The following TET3 variants were observed in gnomAD, a reference collection of about 807,000 sequenced individuals.
TET3 encodes methylcytosine dioxygenase TET3.
TET3 carries 19 observed loss-of-function variants against 141.4 expected under a neutral mutation model. The observed-to-expected ratio is 0.13, with a 90% CI of 0.09 to 0.20. TET3 has a LOEUF of 0.20. Ranked by LOEUF, TET3 falls within the 10% of genes least tolerant of loss-of-function variation. The pLI is 1.00. For missense variants in TET3, 1,874 were observed against 2,356.9 expected, an observed-to-expected ratio of 0.80 and a Z score of 4.24; for synonymous variants, 1,043 against 980.9, an observed-to-expected ratio of 1.06 and a Z score of -1.18.
At chr2:74,041,944 A>C (rs1468412448) in intron 3 of TET3, among the ~76,000 whole-genome samples, 1 of 152,154 alleles carries the variant, frequency 6.6e-6, no homozygotes, top group Non-Finnish European at 1.5e-5. Flanking sequence ...ACCTTTTGGC[A>C]CCTGGTTCTG....
the TET3 span, among the ~76,000 whole-genome samples, chr2:74,116,239 C>T: frequency 6.6e-6 from 1 of 152,086 alleles, no homozygotes; most frequent in Admixed American, 6.5e-5. Flanking sequence ...GAAAAGGGAA[C>T]TCTTATACAA....
chr2:74,075,641 CTCTTG>C (rs1689464762), intron 5 of TET3, among the ~76,000 whole-genome samples: 1 of 152,248 alleles, frequency 6.6e-6, no homozygotes, highest in Non-Finnish European at 1.5e-5. Context: ...GAGCCAGATA[CTCTTG>C]TCTGTGTAGC....
At chr2:74,005,278 T>A (rs1685095182) in intron 3 of TET3, among the ~76,000 whole-genome samples, 1 of 152,226 alleles carries the variant, frequency 6.6e-6, no homozygotes, top group Non-Finnish European at 1.5e-5. Flanking sequence ...GAAGCCTTCC[T>A]AACAAGTCTT....
intron 3 of TET3, among the ~76,000 whole-genome samples, chr2:74,022,948 G>A (rs1686134149): frequency 6.6e-6 from 1 of 151,686 alleles, no homozygotes; most frequent in Admixed American, 6.6e-5. Context: ...GCTAATTTTT[G>A]TATTTTTTGT....
chr2:74,098,658 G>C (rs758103960), intron 10 of TET3, among the ~76,000 whole-genome samples: 17 of 150,218 alleles, frequency 1.1e-4, no homozygotes, highest in Non-Finnish European at 1.8e-4. Flanking sequence ...GTAGTGGCAT[G>C]ATCTTGGCTC....
At chr2:74,007,955 A>C (rs1175207135) in intron 3 of TET3, among the ~76,000 whole-genome samples, 1 of 152,206 alleles carries the variant, frequency 6.6e-6, no homozygotes, top group East Asian at 1.9e-4. Flanking sequence ...AGGCGAGCCA[A>C]GTGATCATGC....
At chr2:74,086,392 AG>A (rs1690161613) in intron 6 of TET3, among the ~76,000 whole-genome samples, 1 of 152,074 alleles carries the variant, frequency 6.6e-6, no homozygotes, top group African/African-American at 2.4e-5. Context: ...AAAAAAAAAA[AG>A]TAGCTTTATT....
At chr2:74,077,785 C>T (rs763173180) in intron 5 of TET3, among the ~76,000 whole-genome samples, 1 of 152,200 alleles carries the variant, frequency 6.6e-6, no homozygotes, top group South Asian at 2.1e-4. Context: ...CACCCTCCTG[C>T]GAGGAATGCG....
In TET3 at chr2:74,102,002, G is replaced by C. The variant is rs1691249064; in HGVS notation, c.5214G>C (p.Lys1738Asn). The change falls in exon 12 of 12, where the codon AAG becomes AAC. Residue 1738 changes from lysine to asparagine, a missense_variant. This residue lies in a region of TET3 where 113 missense variants were observed against 114.3 expected (regional missense o/e 0.99). Transcript: ENST00000409262. Reference sequence around the variant, plus strand: ...TGGGCCTGGGCCAGCAGGAGGCCAAGCTCTACGGGAAGAAGCGCAAGTGGG... The same window carrying C: ...TGGGCCTGGGCCAGCAGGAGGCCAACCTCTACGGGAAGAAGCGCAAGTGGG... ...ARLGLGQQEA[K>N]LYGKKRKWGG... 1 of 1,597,340 alleles carries C rather than the reference G, an allele frequency of 6.3e-7. No individual in the cohort carries two copies. The highest frequency in any genetic ancestry group is 1.3e-5 in the African/African-American group (1 of 74,404).
At chr2:74,072,501 A>G (rs1689266773) in intron 4 of TET3, among the ~76,000 whole-genome samples, 1 of 151,798 alleles carries the variant, frequency 6.6e-6, no homozygotes, top group African/African-American at 2.4e-5. Flanking sequence ...AACAAGAGCA[A>G]AACTCCATCT....
chr2:74,065,792 C>T (rs1688867766), intron 4 of TET3, among the ~76,000 whole-genome samples: 2 of 149,970 alleles, frequency 1.3e-5, no homozygotes. Flanking sequence ...CAGAGCGAGG[C>T]TCTGTCTCAA....
chr2:74,070,299 T>C (rs1689133988), intron 4 of TET3, among the ~76,000 whole-genome samples: 1 of 152,196 alleles, frequency 6.6e-6, no homozygotes, highest in Non-Finnish European at 1.5e-5. Flanking sequence ...ATGTCTTACA[T>C]GGCAGCAGAC....
chr2:74,125,457 A>G, the TET3 span, among the ~76,000 whole-genome samples: 1 of 152,214 alleles, frequency 6.6e-6, no homozygotes, highest in East Asian at 1.9e-4. Flanking sequence ...AGTTTTGACT[A>G]TAATCAAGTT....
intron 3 of TET3, among the ~76,000 whole-genome samples, chr2:74,036,206 A>AT (rs1477854466): frequency 6.6e-6 from 1 of 152,218 alleles, no homozygotes; most frequent in Non-Finnish European, 1.5e-5. Flanking sequence ...GCGCAGAGAG[A>AT]TTAGCTAACT....
chr2:74,122,643 A>T, the TET3 span, among the ~76,000 whole-genome samples: 1 of 133,740 alleles, frequency 7.5e-6, no homozygotes, highest in Admixed American at 7.7e-5. Flanking sequence ...CCTCCCAAGT[A>T]GCTGGGACTA....
intron 10 of TET3, among the ~76,000 whole-genome samples, chr2:74,095,594 C>T (rs901946583): frequency 6.6e-6 from 1 of 152,236 alleles, no homozygotes; most frequent in Admixed American, 6.5e-5. Context: ...TGTATGTATG[C>T]ACGAATGGCT....
At chr2:74,022,094 C>CCTTTTTTTTTTTTTTTTTTT (rs57671706) in intron 3 of TET3, among the ~76,000 whole-genome samples, 1 of 82,766 alleles carries the variant, frequency 1.2e-5, no homozygotes, top group African/African-American at 5.1e-5. Flanking sequence ...TTCTAGGACA[C>CCTTTTTTTTTTTTTTTTTTT]TTTTTTTTTT....
intron 2 of TET3, 101 bp from the exon 3 acceptor site, chr2:74,003,009 C>T (rs1261070725): frequency 2.3e-6 from 3 of 1,281,930 alleles, no homozygotes; most frequent in African/African-American, 3.0e-5. Flanking sequence ...CCCTCCCGTT[C>T]GCCTTCTTCC....
At chr2:74,025,073 A>C (rs1286943272) in intron 3 of TET3, among the ~76,000 whole-genome samples, 1 of 151,324 alleles carries the variant, frequency 6.6e-6, no homozygotes, top group African/African-American at 2.4e-5. Context: ...AATACAAAAA[A>C]GTTAGCCGGG....
Sources: allele counts gnomAD v4.1 joint callset (sites outside exome capture counted in the v4.1 genomes callset), GRCh38; gene constraint gnomAD v4.1.1; regional missense constraint gnomAD v4.1.1; transcripts MANE v1.5; gene names NCBI Gene and HGNC (gene_info 2026-07-23, HGNC 2026-07-21).